The following FAM24A variants were observed in gnomAD, a reference collection of about 807,000 sequenced individuals.
The protein encoded by FAM24A is family with sequence similarity 24 member A, also known as protein FAM24A.
Under a neutral mutation model 2.8 loss-of-function variants are expected in FAM24A, and 2 were observed. The ratio of observed to expected loss-of-function variants is 0.73; its 90% CI spans 0.30 to 2.28. The LOEUF (loss-of-function observed/expected upper bound fraction) is 2.28, where lower values mean the gene tolerates loss of function less well. FAM24A is among the 30% of genes most tolerant of loss of function. FAM24A has a pLI of 0.12. For missense variants in FAM24A, 109 were observed against 132.0 expected (o/e 0.83, Z 0.85); for synonymous variants, 46 against 47.5 (o/e 0.97, Z 0.13).
Position 122,913,049 on chromosome 10 carries a change from C to A in FAM24A, c.*95C>A, listed in dbSNP as rs911748819. ...AGTCAAGTTCTAGAGTGTTTACATA[C>A]TATTATATAATGTACAGTGTTATTT... On this transcript the variant is annotated 3_prime_UTR_variant, in exon 3 of 3. Transcript: ENST00000368894. The A allele has an allele frequency of 1.8e-6, 2 of 1,115,730 alleles. No homozygotes were observed. Among genetic ancestry groups the A allele is most frequent in the South Asian group, 1.6e-5 (1 of 60,844 alleles). The allele number at this position is 1,115,730 out of a possible 1,614,324, so 69.1% of individuals were successfully genotyped here.
At chr10:122,911,590 G>C in intron 1 of FAM24A, 43 bp from the exon 2 acceptor site, 2 of 1,607,440 alleles carry the variant, frequency 1.2e-6, no homozygotes, top group Non-Finnish European at 1.7e-6. Context: ...GTGGCTGTGT[G>C]GGGAGGAAGG....
At position 122,911,639 on chromosome 10, in the gene FAM24A, C is replaced by A; in HGVS notation, c.5C>A (p.Ala2Glu). 3 of 1,613,634 alleles carry A rather than the reference C, an allele frequency of 1.9e-6. No individual in the cohort carries two copies. Among genetic ancestry groups the A allele is most frequent in the Non-Finnish European group, 2.5e-6 (3 of 1,179,940 alleles). Residue 2 changes from alanine to glutamate, a missense_variant, in exon 2 of 3, where the codon GCA becomes GAA. Coordinates refer to ENST00000368894, the MANE Select transcript of FAM24A (RefSeq NM_001029888.3). M[A>E]KMFDLRTKIM... ...CCCTGCACTTTCTCCTTAGGCATGG[C>A]AAAGATGTTTGATCTCAGGACGAAG...
intron 1 of FAM24A, 150 bp from the exon 2 acceptor site, chr10:122,911,483 T>G (rs989032567): frequency 2.6e-6 from 3 of 1,149,750 alleles, no homozygotes; most frequent in Non-Finnish European, 2.4e-6. Context: ...TGTCTGCCCC[T>G]GGACCAGCTT....
chr10:122,910,974 T>G (rs1589688250), intron 1 of FAM24A, among the ~76,000 whole-genome samples, 155 bp downstream of exon 1: 1 of 152,150 alleles, frequency 6.6e-6, no homozygotes, highest in Non-Finnish European at 1.5e-5. Flanking sequence ...GAGGTAGGCC[T>G]ATGGTCTACT....
intron 2 of FAM24A, 55 bp downstream of exon 2, chr10:122,911,814 C>T (rs1487952719): frequency 1.2e-6 from 2 of 1,604,984 alleles, no homozygotes; most frequent in Non-Finnish European, 1.7e-6. Context: ...TACCTGGACT[C>T]CCTATTTGAG....
chr10:122,911,796 A>C, intron 2 of FAM24A, 37 bp downstream of exon 2: 1 of 1,612,366 alleles, frequency 6.2e-7, no homozygotes, highest in African/African-American at 1.3e-5. Flanking sequence ...ACACCTCCTC[A>C]AATGGGATAC....
Position 122,912,896 on chromosome 10 carries a change from T to G in FAM24A, c.260T>G (p.Met87Arg). 6.2e-7 allele frequency: 1 copy of G among 1,614,076 alleles called. No homozygotes were observed. The highest frequency in any genetic ancestry group is 8.5e-7 in the Non-Finnish European group (1 of 1,179,990). ...PSLQCCEGCR[M>R]HASSDSLPPC... is the part of the protein sequence containing the mutation. ...CTCCAGTGCTGTGAAGGTTGTAGAA[T>G]GCATGCCAGTTCTGATTCCCTGCCA... The change falls in exon 3 of 3, where the codon ATG becomes AGG. Residue 87 changes from methionine to arginine, a missense_variant. By Grantham distance (91) the Met-to-Arg change is moderately conservative. Coordinates refer to ENST00000368894, the MANE Select transcript of FAM24A (RefSeq NM_001029888.3).
Position 122,911,665 on chromosome 10 carries a change from A to T in FAM24A, c.31A>T (p.Ile11Phe). MAKMFDLRTK[I>F]MIGIGSSLLV... is the part of the protein sequence containing the mutation. ...AAAGATGTTTGATCTCAGGACGAAG[A>T]TCATGATCGGCATCGGAAGCAGCTT... Residue 11 changes from isoleucine (I) to phenylalanine (F), a missense_variant, in exon 2 of 3, where the codon ATC becomes TTC. Transcript: ENST00000368894. 1 of 1,614,094 alleles carries T rather than the reference A, an allele frequency of 6.2e-7. No individual in the cohort carries two copies. The highest frequency in any genetic ancestry group is 8.5e-7 in the Non-Finnish European group (1 of 1,180,028).
chr10:122,911,105 C>T (rs534178410), intron 1 of FAM24A, among the ~76,000 whole-genome samples: 2 of 152,250 alleles, frequency 1.3e-5, no homozygotes, highest in East Asian at 3.9e-4. Flanking sequence ...CTCCTTAAAC[C>T]CTGAGATAAC....
At chr10:122,912,107 T>C (rs993252425) in intron 2 of FAM24A, among the ~76,000 whole-genome samples, 6 of 152,204 alleles carry the variant, frequency 3.9e-5, no homozygotes, top group Non-Finnish European at 8.8e-5. Flanking sequence ...CCTTGGCCAG[T>C]ACCTCCCCTG....
At position 122,910,766 on chromosome 10, in the gene FAM24A, C is replaced by A. The variant is rs1039665419; in HGVS notation, c.-56C>A. ...TCCGATGCCCTAGAGGTTTTTTTCC[C>A]TTAATTTTATTGTTACAATTGGCCT... is the stretch of plus-strand genomic sequence containing the variant. On this transcript the variant is annotated 5_prime_UTR_variant, in exon 1 of 3. Coordinates refer to ENST00000368894, the MANE Select transcript of FAM24A (RefSeq NM_001029888.3). 1 of 152,096 alleles carries A rather than the reference C, an allele frequency of 6.6e-6. No individual in the cohort carries two copies. The highest frequency in any genetic ancestry group is 1.5e-5 in the Non-Finnish European group (1 of 68,014). The allele number at this position is 152,096 out of a possible 1,614,324, so 9.4% of individuals were successfully genotyped here.
At chr10:122,911,473 T>G (rs1452882430) in intron 1 of FAM24A, among the ~76,000 whole-genome samples, 160 bp from the exon 2 acceptor site, 1 of 152,206 alleles carries the variant, frequency 6.6e-6, no homozygotes, top group Non-Finnish European at 1.5e-5. Context: ...TAAGTCCTTT[T>G]GTCTGCCCCT....
intron 2 of FAM24A, 123 bp downstream of exon 2, chr10:122,911,882 A>G: frequency 7.6e-7 from 1 of 1,321,094 alleles, no homozygotes; most frequent in South Asian, 1.4e-5. Flanking sequence ...CAAGAACAAG[A>G]AGCAGTTTTG....
Position 122,913,104 on chromosome 10 carries a change from G to T in FAM24A, c.*150G>T. 1.6e-6 allele frequency: 1 copy of T among 634,878 alleles called. No homozygotes were observed. Among genetic ancestry groups the T allele is most frequent in the Non-Finnish European group, 2.4e-6 (1 of 415,682 alleles). The allele number at this position is 634,878 out of a possible 1,614,324, so 39.3% of individuals were successfully genotyped here. A position where few individuals can be genotyped will look rare whatever the true frequency, so the allele number is the denominator to read the frequency against. On this transcript the variant is annotated 3_prime_UTR_variant, in exon 3 of 3. Coordinates refer to ENST00000368894, the MANE Select transcript of FAM24A (RefSeq NM_001029888.3). ...TACTTCTGAATAAATGTGCAATATT[G>T]GAAATAATCCTCTGCCTCCAGTATT...
intron 2 of FAM24A, among the ~76,000 whole-genome samples, chr10:122,912,217 T>C (rs1037599958): frequency 6.6e-6 from 1 of 152,200 alleles, no homozygotes; most frequent in African/African-American, 2.4e-5. Context: ...CTTGCCTGAG[T>C]TGGGAGCTCT....
chr10:122,911,679 C>A lies in FAM24A; in HGVS notation c.45C>A (p.Ile15=). The A allele has an allele frequency of 1.2e-6, 2 of 1,614,148 alleles. No homozygotes were observed. Among genetic ancestry groups the A allele is most frequent in the Non-Finnish European group, 1.7e-6 (2 of 1,180,038 alleles). Residue 15 remains isoleucine (I), a synonymous_variant, in exon 2 of 3, where the codon ATC becomes ATA. Transcript: ENST00000368894. ...TCAGGACGAAGATCATGATCGGCAT[C>A]GGAAGCAGCTTACTGGTTGCCGCGA... is the stretch of plus-strand genomic sequence containing the variant. ...FDLRTKIMIG[I]GSSLLVAAMV...
At chr10:122,912,563 C>G (rs2133858720) in intron 2 of FAM24A, among the ~76,000 whole-genome samples, 199 bp from the exon 3 acceptor site, 1 of 152,120 alleles carries the variant, frequency 6.6e-6, no homozygotes, top group East Asian at 1.9e-4. Context: ...ACTTTTGTAA[C>G]CTGAGTTTAC....
At chr10:122,912,736 C>T in intron 2 of FAM24A, 26 bp from the exon 3 acceptor site, 1 of 1,593,578 alleles carries the variant, frequency 6.3e-7, no homozygotes, top group Non-Finnish European at 8.5e-7. Flanking sequence ...AATTCTAAGC[C>T]TGAGCTTTGT....
intron 1 of FAM24A, among the ~76,000 whole-genome samples, chr10:122,911,385 G>C (rs964438124): frequency 6.6e-6 from 1 of 152,134 alleles, no homozygotes; most frequent in African/African-American, 2.4e-5. Flanking sequence ...CTGTGAGAGG[G>C]AAAGATTCTT....
Sources: gnomAD v4.1 joint callset for allele counts (sites outside exome capture counted in the v4.1 genomes callset) on GRCh38, gnomAD v4.1.1 for gene constraint, MANE v1.5 for transcripts, NCBI Gene and HGNC (gene_info 2026-07-23, HGNC 2026-07-21) for gene names.